The following PHF20L1 variants were observed in gnomAD, a reference collection of about 807,000 sequenced individuals.
The protein encoded by PHF20L1 is PHD finger protein 20 like 1.
PHF20L1 carries 44 observed loss-of-function variants against 125.5 expected under a neutral mutation model. The observed-to-expected ratio is 0.35, with a 90% CI of 0.28 to 0.45. PHF20L1 has a LOEUF of 0.45. Ranked by LOEUF, PHF20L1 falls within the 20% of genes least tolerant of loss-of-function variation. The pLI, the probability that PHF20L1 is intolerant of heterozygous loss-of-function variation, is 1.00. For synonymous variants in PHF20L1, 380 were observed against 403.1 expected (o/e 0.94, Z 0.69); for missense variants, 1,012 against 1,217.2 (o/e 0.83, Z 2.51).
intron 17 of PHF20L1, chr8:132,839,082 C>G (rs1837664670): frequency 4.1e-6 from 1 of 244,206 alleles, no homozygotes; most frequent in Non-Finnish European, 7.9e-6. Context: ...GCCCTTTGAG[C>G]CTTTTTAGAG....
At chr8:132,815,179 CAAAA>C (rs894113706) in intron 10 of PHF20L1, 17 of 186,346 alleles carry the variant, frequency 9.1e-5, no homozygotes, top group Non-Finnish European at 1.3e-4. Flanking sequence ...TGATTCATTA[CAAAA>C]AAAAAAAGTT....
Position 132,789,852 on chromosome 8 carries a change from G to T in PHF20L1, c.84-4558G>T, listed in dbSNP as rs141520095. 3.9e-3 allele frequency among the ~76,000 whole-genome samples: 600 copies of T among 152,274 alleles called. 8 individuals are homozygous for T. The highest frequency in any genetic ancestry group is 0.014 in the African/African-American group (562 of 41,568). ...GCTCTATGTAGAATTTTGGCACTGA[G>T]AAATCCTACTTTTAGTGAAGTTGCC... On this transcript the variant is annotated intron_variant, in intron 2 of 20. Transcript: ENST00000395386.
rs764130703 is a variant in PHF20L1, at chr8:132,794,746, GAGA to G, written c.275_277del (p.Glu92del). On this transcript the variant is annotated inframe_deletion, in exon 4 of 21. Transcript: ENST00000395386. ...TGTTTAAAATAGGATTTTAAAGCTG[GAGA>G]AGAAGTTCTGGCTCGTTGGACAGAC... 2.5e-6 allele frequency: 4 copies of G among 1,611,950 alleles called. No individual in the cohort carries two copies. Among genetic ancestry groups the G allele is most frequent in the Non-Finnish European group, 1.7e-6 (2 of 1,178,572 alleles).
intron 2 of PHF20L1, among the ~76,000 whole-genome samples, chr8:132,781,388 G>C (rs1286115627): frequency 6.6e-6 from 1 of 151,986 alleles, no homozygotes; most frequent in Non-Finnish European, 1.5e-5. Context: ...TTTTTAAGTA[G>C]TGATTTATTT....
chr8:132,807,164 CAT>C (rs1833822719), intron 8 of PHF20L1: 1 of 152,364 alleles, frequency 6.6e-6, no homozygotes, highest in African/African-American at 2.4e-5. Flanking sequence ...ATACATATAT[CAT>C]ATATGTACAC....
At chr8:132,783,429 A>G (rs1409405332) in intron 2 of PHF20L1, among the ~76,000 whole-genome samples, 1 of 152,184 alleles carries the variant, frequency 6.6e-6, no homozygotes, top group Non-Finnish European at 1.5e-5. Context: ...ACATTGTAGC[A>G]AGTACAAATA....
intron 14 of PHF20L1, among the ~76,000 whole-genome samples, chr8:132,828,330 G>T (rs1214817210): frequency 6.6e-6 from 1 of 151,904 alleles, no homozygotes; most frequent in Non-Finnish European, 1.5e-5. Flanking sequence ...ACAGTTAACT[G>T]AGAGAGAGTG....
chr8:132,804,018 C>G lies in PHF20L1; in HGVS notation c.707C>G (p.Ser236Cys), dbSNP rs1349062447. The change falls in exon 7 of 21, where the codon TCT (serine) becomes TGT (cysteine). Residue 236 changes from serine (S) to cysteine (C), a missense_variant. Transcript: ENST00000395386. ...GAGAAGAAGGAAGATCTGCCTACATCTAGTGAAACATTTGGTACAAAATAC... is the reference window on the plus strand; with the variant it reads ...GAGAAGAAGGAAGATCTGCCTACATGTAGTGAAACATTTGGTACAAAATAC... The part of the protein sequence containing the change: ...DVEKKEDLPT[S>C]SETFGLHVEN... The G allele has an allele frequency of 1.2e-6, 2 of 1,604,106 alleles. No homozygotes were observed. Among genetic ancestry groups the G allele is most frequent in the Non-Finnish European group, 1.7e-6 (2 of 1,171,556 alleles).
intron 6 of PHF20L1, 147 bp downstream of exon 6, chr8:132,799,319 A>G: frequency 1.8e-6 from 1 of 548,980 alleles, no homozygotes; most frequent in Non-Finnish European, 3.2e-6. Flanking sequence ...ATCTTCCTTT[A>G]AAAGGCGCTT....
Position 132,799,134 on chromosome 8 carries a change from G to A in PHF20L1, c.469G>A (p.Asp157Asn), listed in dbSNP as rs1832744946. 7 of 1,609,844 alleles carry A rather than the reference G, an allele frequency of 4.3e-6. No individual in the cohort carries two copies. The highest frequency in any genetic ancestry group is 2.2e-5 in the East Asian group (1 of 44,812). Residue 157 changes from aspartate to asparagine, a missense_variant, in exon 6 of 21, where the codon GAC (aspartate) becomes AAC (asparagine). By Grantham distance (23) the Asp-to-Asn change is conservative. Coordinates refer to ENST00000395386, the MANE Select transcript of PHF20L1 (RefSeq NM_016018.5). ...TCCACTAAGCTGGTGTTGTCCTATC[G>A]ACCCAGCTGGATCGTGTAACCAGTC... ...QHPLSWCCPI[D>N]PAGSCNQSMG... is the part of the protein sequence containing the mutation.
Position 132,839,418 on chromosome 8 carries a change from TAAG to T in PHF20L1, c.2224_2226del (p.Lys742del), listed in dbSNP as rs1386789248. On this transcript the variant is annotated inframe_deletion, in exon 18 of 21. Transcript: ENST00000395386. ...GGTGGAGTGCAAAATATCGTTATGA[TAAG>T]GAGTGGTTGAATAATGGGAGAATGT... 6.2e-7 allele frequency: 1 copy of T among 1,613,190 alleles called. No homozygotes were observed. Among genetic ancestry groups the T allele is most frequent in the Non-Finnish European group, 8.5e-7 (1 of 1,179,408 alleles).
At chr8:132,838,629 G>A (rs1469297153) in intron 17 of PHF20L1, 1 of 152,004 alleles carries the variant, frequency 6.6e-6, no homozygotes, top group Non-Finnish European at 1.5e-5. Flanking sequence ...TGGAAAAAAA[G>A]AAAAAAGTCA....
intron 17 of PHF20L1, chr8:132,838,579 C>T (rs1837614922): frequency 6.6e-6 from 1 of 152,024 alleles, no homozygotes; most frequent in Admixed American, 6.6e-5. Flanking sequence ...ACTAGGTTTT[C>T]TCAAATAATA....
At chr8:132,794,357 G>T (rs964061022) in intron 2 of PHF20L1, 53 bp from the exon 3 acceptor site, 2 of 1,135,426 alleles carry the variant, frequency 1.8e-6, no homozygotes, top group Non-Finnish European at 2.6e-6. Context: ...ATAATGCTTT[G>T]TATAAACAAA....
Position 132,848,641 on chromosome 8 carries a change from G to A in PHF20L1, c.*2718G>A, listed in dbSNP as rs2131986666. Reference sequence around the variant, plus strand: ...TACTGACTTATTTCCAAACTTAAGAGTAATGTACTTCGAAAACAACTTGGT... The same window carrying A: ...TACTGACTTATTTCCAAACTTAAGAATAATGTACTTCGAAAACAACTTGGT... On this transcript the variant is annotated 3_prime_UTR_variant, in exon 21 of 21. Coordinates refer to ENST00000395386, the MANE Select transcript of PHF20L1 (RefSeq NM_016018.5). 6.6e-6 allele frequency: 1 copy of A among 152,508 alleles called. No individual in the cohort carries two copies. The allele number at this position is 152,508 out of a possible 1,614,324, so 9.4% of individuals were successfully genotyped here.
At chr8:132,778,506 G>T (rs1830071987) in intron 2 of PHF20L1, among the ~76,000 whole-genome samples, 1 of 152,170 alleles carries the variant, frequency 6.6e-6, no homozygotes. Flanking sequence ...TTCAGAACTT[G>T]TGTGTCTCCC....
chr8:132,795,596 G>A (rs182653222), intron 4 of PHF20L1, among the ~76,000 whole-genome samples: 13 of 152,064 alleles, frequency 8.5e-5, no homozygotes, highest in Admixed American at 3.9e-4. Context: ...ATACTTGCAC[G>A]TGTTTTTTAA....
intron 12 of PHF20L1, among the ~76,000 whole-genome samples, chr8:132,822,997 G>A (rs1835768203): frequency 6.6e-6 from 1 of 151,824 alleles, no homozygotes; most frequent in Non-Finnish European, 1.5e-5. Flanking sequence ...TATTAGCATT[G>A]GGAATGGTTG....
chr8:132,833,784 C>G (rs1223086499), intron 15 of PHF20L1, among the ~76,000 whole-genome samples: 2 of 152,132 alleles, frequency 1.3e-5, no homozygotes, highest in Non-Finnish European at 2.9e-5. Flanking sequence ...TGTTCTTAGT[C>G]TCTGCCCTGC....
Sources: gnomAD v4.1 joint callset for allele counts (sites outside exome capture counted in the v4.1 genomes callset) on GRCh38, gnomAD v4.1.1 for gene constraint, MANE v1.5 for transcripts, NCBI Gene and HGNC (gene_info 2026-07-23, HGNC 2026-07-21) for gene names.